PLCB1: variants seen among roughly 807,000 people sequenced by gnomAD.
PLCB1 encodes phospholipase C beta 1.
PLCB1 carries 46 observed loss-of-function variants against 161.8 expected under a neutral mutation model. That is an observed-to-expected ratio of 0.28 (90% CI 0.22 to 0.36). The LOEUF is 0.36. Ranked by LOEUF, PLCB1 falls within the 10% of genes least tolerant of loss-of-function variation. The pLI is 1.00. For missense variants in PLCB1, 1,016 were observed against 1,472.5 expected, an observed-to-expected ratio of 0.69 and a Z score of 5.07; for synonymous variants, 517 against 503.7, an observed-to-expected ratio of 1.03 and a Z score of -0.35.
At chr20:8,377,491 G>C (rs1987125534) in intron 3 of PLCB1, among the ~76,000 whole-genome samples, 1 of 152,168 alleles carries the variant, frequency 6.6e-6, no homozygotes, top group Non-Finnish European at 1.5e-5. Context: ...TGGCTGTTGG[G>C]AGTAAACTAC....
intron 2 of PLCB1, among the ~76,000 whole-genome samples, chr20:8,189,645 A>C (rs1226029269): frequency 6.6e-6 from 1 of 152,106 alleles, no homozygotes; most frequent in African/African-American, 2.4e-5. Flanking sequence ...AAATTTGTCA[A>C]AACTGTAACA....
rs2051495899 is a variant in PLCB1, at chr20:8,150,236, G to A, written c.100-58G>A. ...AATTATTACTTCTTAAATAACTCCT[G>A]GATAGATTTTTCTACAGTGATATAT... On this transcript the variant is annotated intron_variant, in intron 1 of 31. Coordinates refer to ENST00000338037, the MANE Select transcript of PLCB1 (RefSeq NM_015192.4). The A allele has an allele frequency of 9.5e-6, 7 of 735,434 alleles. No homozygotes were observed. The South Asian group carries it at 1.3e-4, about 14-fold the overall frequency. The allele number at this position is 735,434 out of a possible 1,614,324, so 45.6% of individuals were successfully genotyped here.
At chr20:8,450,062 T>G (rs1981003816) in intron 3 of PLCB1, among the ~76,000 whole-genome samples, 1 of 152,228 alleles carries the variant, frequency 6.6e-6, no homozygotes, top group South Asian at 2.1e-4. Context: ...AAGAGAAATC[T>G]CTACCACACA....
chr20:8,163,053 G>A (rs1250831127), intron 2 of PLCB1, among the ~76,000 whole-genome samples: 1 of 152,188 alleles, frequency 6.6e-6, no homozygotes. Context: ...TTTGTAGGTT[G>A]AGTTTTTCCA....
At chr20:8,732,540 A>T (rs907022903) in intron 18 of PLCB1, among the ~76,000 whole-genome samples, 2 of 146,900 alleles carry the variant, frequency 1.4e-5, no homozygotes, top group African/African-American at 5.1e-5. Flanking sequence ...ATTGTATTAG[A>T]TATTATATTC....
chr20:8,213,110 A>C (rs1018308163), intron 2 of PLCB1, among the ~76,000 whole-genome samples: 3 of 152,154 alleles, frequency 2.0e-5, no homozygotes, highest in African/African-American at 4.8e-5. Context: ...ATGGTGACAA[A>C]AAGTGTGTTC....
chr20:8,319,971 A>C (rs1290485752), intron 2 of PLCB1, among the ~76,000 whole-genome samples: 1 of 152,128 alleles, frequency 6.6e-6, no homozygotes, highest in East Asian at 1.9e-4. Context: ...CGTTGTACAC[A>C]TGCACCCTAA....
At chr20:8,802,041 T>G in intron 31 of PLCB1, 2 of 1,446,414 alleles carry the variant, frequency 1.4e-6, no homozygotes, top group Non-Finnish European at 1.9e-6. Context: ...ACAGCCTCCC[T>G]TTTTTTCCAC....
rs542750685 is a variant in PLCB1 at position 8,496,123 on chromosome 20, C to G, written c.246+124673C>G. On this transcript the variant is annotated intron_variant, in intron 3 of 31. Coordinates refer to ENST00000338037, the MANE Select transcript of PLCB1 (RefSeq NM_015192.4). ...GTTTAATGTGAACTGAATGAGAAAACTAAATGAGAGGCTTAATTTTATACA... is the reference window on the plus strand; with the variant it reads ...GTTTAATGTGAACTGAATGAGAAAAGTAAATGAGAGGCTTAATTTTATACA... 3.3e-5 allele frequency among the ~76,000 whole-genome samples: 5 copies of G among 152,234 alleles called. 1 individual carries two copies. Among genetic ancestry groups the G allele is most frequent in the African/African-American group, 1.2e-4 (5 of 41,542 alleles).
chr20:8,499,390 T>C (rs1983310639), intron 3 of PLCB1, among the ~76,000 whole-genome samples: 1 of 152,216 alleles, frequency 6.6e-6, no homozygotes, highest in African/African-American at 2.4e-5. Context: ...CAAAACCTTA[T>C]GTATGAGTTA....
rs369188885 is a variant in PLCB1 at position 8,881,358 on chromosome 20, T to TGTGTGTGC, written c.3424-263_3424-262insTGTGTGCG. 3.9e-3 allele frequency among the ~76,000 whole-genome samples: 581 copies of TGTGTGTGC among 150,606 alleles called. 1 individual carries two copies. Among genetic ancestry groups the TGTGTGTGC allele is most frequent in the Admixed American group, 7.1e-3 (107 of 15,094 alleles). On this transcript the variant is annotated intron_variant, in intron 31 of 31. Coordinates refer to ENST00000338037, the MANE Select transcript of PLCB1 (RefSeq NM_015192.4). Reference sequence around the variant, plus strand: ...GTGTGTGTGTGTGTGTGTGTGTGTGTGCATTTGTAGATACCGCTATTCATC... The same window carrying TGTGTGTGC: ...GTGTGTGTGTGTGTGTGTGTGTGTGTGTGTGTGCGCATTTGTAGATACCGCTATTCATC...
intron 2 of PLCB1, among the ~76,000 whole-genome samples, chr20:8,269,863 A>G (rs975183642): frequency 2.6e-5 from 4 of 151,970 alleles, no homozygotes; most frequent in Non-Finnish European, 4.4e-5. Flanking sequence ...TAATGTAAAC[A>G]TTCTTTATTT....
intron 1 of PLCB1, among the ~76,000 whole-genome samples, chr20:8,136,354 C>T (rs569036538): frequency 3.3e-5 from 5 of 152,168 alleles, no homozygotes; most frequent in South Asian, 2.1e-4. Context: ...CGGCCGGGCG[C>T]GGTGGCTCAA....
chr20:8,782,481 C>T (rs1983288637), intron 27 of PLCB1, among the ~76,000 whole-genome samples: 1 of 152,190 alleles, frequency 6.6e-6, no homozygotes, highest in African/African-American at 2.4e-5. Context: ...CAGCCTCCAT[C>T]TCCTGGGCTT....
intron 3 of PLCB1, among the ~76,000 whole-genome samples, chr20:8,592,052 G>C (rs140638798): frequency 8.2e-4 from 125 of 152,254 alleles, no homozygotes; most frequent in Non-Finnish European, 1.5e-3. Context: ...TAGCCTGAAG[G>C]TAATTTTATA....
At chr20:8,631,177 G>A (rs1394644432) in intron 4 of PLCB1, among the ~76,000 whole-genome samples, 1 of 152,192 alleles carries the variant, frequency 6.6e-6, no homozygotes, top group Non-Finnish European at 1.5e-5. Context: ...TTGGGCCCCA[G>A]CCCCAGCAGG....
chr20:8,872,857 G>C (rs1402931183), intron 31 of PLCB1, among the ~76,000 whole-genome samples: 1 of 152,116 alleles, frequency 6.6e-6, no homozygotes, highest in African/African-American at 2.4e-5. Context: ...CCAACACCCG[G>C]CATCCTGAGG....
chr20:8,227,688 A>C (rs1248083603), intron 2 of PLCB1, among the ~76,000 whole-genome samples: 4 of 152,206 alleles, frequency 2.6e-5, no homozygotes, highest in Admixed American at 2.6e-4. Context: ...CATTATGTAC[A>C]GGTTGGCAAT....
chr20:8,353,016 C>T (rs551381771), intron 2 of PLCB1, among the ~76,000 whole-genome samples: 1 of 152,196 alleles, frequency 6.6e-6, no homozygotes, highest in Non-Finnish European at 1.5e-5. Flanking sequence ...CAAACAATAA[C>T]ACTTTGGTAT....
Sources: allele counts gnomAD v4.1 joint callset (sites outside exome capture counted in the v4.1 genomes callset), GRCh38; gene constraint gnomAD v4.1.1; transcripts MANE v1.5; gene names NCBI Gene and HGNC (gene_info 2026-07-23, HGNC 2026-07-21).